Variants in FBXL17 observed in about 807,000 individuals in gnomAD.
FBXL17 encodes F-box and leucine rich repeat protein 17, also known as F-box/LRR-repeat protein 17.
In FBXL17, 22 loss-of-function variants were observed where a neutral mutation model predicts 66.2. The ratio of observed to expected loss-of-function variants is 0.33; its 90% CI spans 0.24 to 0.47. The LOEUF is 0.47. Ranked by LOEUF, FBXL17 falls within the 20% of genes least tolerant of loss-of-function variation. FBXL17 has a pLI of 1.00. For missense variants in FBXL17, 878 were observed against 948.2 expected (o/e 0.93, Z 0.97); for synonymous variants, 474 against 400.5 (o/e 1.18, Z -2.19).
At chr5:108,142,511 C>A (rs1307324984) in intron 6 of FBXL17, among the ~76,000 whole-genome samples, 3 of 152,180 alleles carry the variant, frequency 2.0e-5, no homozygotes, top group African/African-American at 7.2e-5. Context: ...CTCTGGCATT[C>A]ACAAGAGCAC....
chr5:108,154,708 T>TATG (rs1464515821), intron 6 of FBXL17, among the ~76,000 whole-genome samples: 1 of 145,974 alleles, frequency 6.9e-6, no homozygotes, highest in Non-Finnish European at 1.5e-5. Context: ...TATACATATA[T>TATG]ATGTGTATAT....
intron 6 of FBXL17, among the ~76,000 whole-genome samples, chr5:108,096,692 C>G (rs1749381698): frequency 6.6e-6 from 1 of 152,114 alleles, no homozygotes; most frequent in Non-Finnish European, 1.5e-5. Context: ...GGGATACATG[C>G]AACAAATGTG....
intron 7 of FBXL17, among the ~76,000 whole-genome samples, chr5:107,943,354 T>G (rs1751176352): frequency 6.6e-6 from 1 of 152,016 alleles, no homozygotes; most frequent in African/African-American, 2.4e-5. Flanking sequence ...AAAACACCAT[T>G]CATCTATTCC....
intron 4 of FBXL17, among the ~76,000 whole-genome samples, chr5:108,267,839 G>A (rs1434218905): frequency 1.3e-5 from 2 of 152,054 alleles, no homozygotes; most frequent in African/African-American, 4.8e-5. Flanking sequence ...TTGGGGAAGT[G>A]ACATTTGAGC....
At chr5:108,286,960 C>G (rs1054368121) in intron 4 of FBXL17, among the ~76,000 whole-genome samples, 1 of 151,662 alleles carries the variant, frequency 6.6e-6, no homozygotes, top group Admixed American at 6.6e-5. Context: ...GCATAGAGAG[C>G]CCAGAAATAA....
chr5:108,266,592 CAAAT>C (rs1757055124), intron 4 of FBXL17, among the ~76,000 whole-genome samples: 2 of 152,008 alleles, frequency 1.3e-5, no homozygotes, highest in Non-Finnish European at 2.9e-5. Context: ...ACATATGCCA[CAAAT>C]AAGCCATAAC....
At chr5:108,303,028 C>T (rs1758662982) in intron 4 of FBXL17, among the ~76,000 whole-genome samples, 1 of 151,800 alleles carries the variant, frequency 6.6e-6, no homozygotes, top group Admixed American at 6.6e-5. Flanking sequence ...TTCACCATTA[C>T]ATTTAAGCCC....
Position 108,009,320 on chromosome 5 carries a change from T to A in FBXL17, c.1822+11605A>T, listed in dbSNP as rs550203612. On this transcript the variant is annotated intron_variant, in intron 7 of 8. Transcript: ENST00000542267. ...ATATATACATATATACATACACATA[T>A]AGTTTTGCTTTTGTTTTTCATATAT... 3.1e-4 allele frequency among the ~76,000 whole-genome samples: 35 copies of A among 113,224 alleles called. 1 individual carries two copies. The highest frequency in any genetic ancestry group is 1.1e-3 in the African/African-American group (33 of 29,074). 74.3% of individuals were successfully genotyped at this position (113,224 alleles called of 152,430 possible).
intron 4 of FBXL17, among the ~76,000 whole-genome samples, chr5:108,335,079 T>C (rs1760313418): frequency 6.6e-6 from 1 of 152,210 alleles, no homozygotes; most frequent in African/African-American, 2.4e-5. Flanking sequence ...ACAACCTTTT[T>C]CTTAAGGCAT....
chr5:107,877,965 T>C (rs1748662865), intron 8 of FBXL17, among the ~76,000 whole-genome samples: 2 of 152,296 alleles, frequency 1.3e-5, no homozygotes, highest in Middle Eastern at 3.4e-3. Flanking sequence ...TTCACTATTA[T>C]TTTGTTACTT....
intron 2 of FBXL17, 41 bp from the exon 3 acceptor site, chr5:108,365,036 A>C (rs1439166819): frequency 6.9e-7 from 1 of 1,446,062 alleles, no homozygotes; most frequent in South Asian, 1.3e-5. Context: ...TTTGCTAAAA[A>C]TAAAAACGTA....
intron 6 of FBXL17, among the ~76,000 whole-genome samples, chr5:108,154,669 A>T (rs1240600383): frequency 2.1e-5 from 3 of 143,824 alleles, no homozygotes; most frequent in Non-Finnish European, 4.5e-5. Context: ...ATACATATAT[A>T]TGTGTATATA....
chr5:108,004,390 T>C (rs2112722379), intron 7 of FBXL17, among the ~76,000 whole-genome samples: 1 of 152,290 alleles, frequency 6.6e-6, no homozygotes, highest in Admixed American at 6.5e-5. Flanking sequence ...AAAAAGCTTA[T>C]GCAAGAAATT....
chr5:108,033,120 T>C (rs556294776), intron 6 of FBXL17, among the ~76,000 whole-genome samples: 25 of 152,342 alleles, frequency 1.6e-4, no homozygotes, highest in Non-Finnish European at 3.2e-4. Context: ...GTTGACAGAA[T>C]TGTGTAGTAA....
rs376143771 is a variant in FBXL17, at chr5:108,166,690, G to A, written c.1745+19427C>T. 2.6e-5 allele frequency among the ~76,000 whole-genome samples: 4 copies of A among 152,288 alleles called. No individual in the cohort carries two copies. The East Asian group carries it at 7.7e-4, about 29-fold the overall frequency. ...ATAAAGAGTCAAGAGCTTGCTGGCA[G>A]AAGGCTAAATTAGCTGACCTTTGAC... On this transcript the variant is annotated intron_variant, in intron 6 of 8. Transcript: ENST00000542267.
chr5:108,036,977 A>C (rs984337352), intron 6 of FBXL17, among the ~76,000 whole-genome samples: 8 of 152,204 alleles, frequency 5.3e-5, no homozygotes, highest in African/African-American at 1.9e-4. Context: ...TAAAAGGGAT[A>C]AAAAGCTTGT....
chr5:108,088,327 ATC>A (rs1749048171), intron 6 of FBXL17, among the ~76,000 whole-genome samples: 1 of 152,088 alleles, frequency 6.6e-6, no homozygotes, highest in Non-Finnish European at 1.5e-5. Flanking sequence ...ACATTCATCA[ATC>A]TCTTTTTGTT....
Position 108,345,290 on chromosome 5 carries a change from T to C in FBXL17, c.1506+3109A>G, listed in dbSNP as rs187174788. Reference sequence around the variant, plus strand: ...AAGAGGAAGTTGCAGTGAGCTGAGATTGTGCCATTGCACTCCAGCCTGGGT... The same window carrying C: ...AAGAGGAAGTTGCAGTGAGCTGAGACTGTGCCATTGCACTCCAGCCTGGGT... On this transcript the variant is annotated intron_variant, in intron 4 of 8. Coordinates refer to ENST00000542267, the MANE Select transcript of FBXL17 (RefSeq NM_001163315.3). 4.8e-3 allele frequency among the ~76,000 whole-genome samples: 730 copies of C among 151,908 alleles called. 7 individuals are homozygous for C. Among genetic ancestry groups the C allele is most frequent in the African/African-American group, 0.015 (632 of 41,380 alleles).
chr5:108,346,321 A>G (rs1747277147), intron 4 of FBXL17, among the ~76,000 whole-genome samples: 1 of 152,098 alleles, frequency 6.6e-6, no homozygotes, highest in African/African-American at 2.4e-5. Flanking sequence ...CAATGAAATG[A>G]AAATGTTAAA....
Sources: gnomAD v4.1 joint callset for allele counts (sites outside exome capture counted in the v4.1 genomes callset) on GRCh38, gnomAD v4.1.1 for gene constraint, MANE v1.5 for transcripts, NCBI Gene and HGNC (gene_info 2026-07-23, HGNC 2026-07-21) for gene names.